UBR1: variants seen among roughly 807,000 people sequenced by gnomAD.
UBR1 encodes E3 ubiquitin-protein ligase UBR1.
In UBR1, 102 loss-of-function variants were observed where a neutral mutation model predicts 242.1. The observed-to-expected ratio is 0.42, with a 90% CI of 0.36 to 0.50. The LOEUF (loss-of-function observed/expected upper bound fraction) is 0.50. Ranked by LOEUF, UBR1 falls within the 20% of genes least tolerant of loss-of-function variation. The pLI, the probability that UBR1 is intolerant of heterozygous loss-of-function variation, is 0.01. For missense variants in UBR1, 1,772 were observed against 2,101.8 expected, an observed-to-expected ratio of 0.84 and a Z score of 3.07; for synonymous variants, 675 against 684.8, an observed-to-expected ratio of 0.99 and a Z score of 0.22.
At chr15:43,062,442 A>C (rs2033700392) in intron 6 of UBR1, among the ~76,000 whole-genome samples, 1 of 152,050 alleles carries the variant, frequency 6.6e-6, no homozygotes, top group Admixed American at 6.6e-5. Context: ...GGATAGAGGG[A>C]GGGGAAAAGG....
chr15:43,008,264 C>T (rs989758996), intron 29 of UBR1, among the ~76,000 whole-genome samples: 2 of 152,388 alleles, frequency 1.3e-5, no homozygotes, highest in African/African-American at 2.4e-5. Context: ...CCCGTGCTCC[C>T]GGGCACAGCT....
Position 43,032,612 on chromosome 15 carries a change from T to C in UBR1, c.2210A>G (p.Asn737Ser), listed in dbSNP as rs1192079463. Residue 737 changes from asparagine (N) to serine (S), a missense_variant, in exon 20 of 47, where the codon AAT (asparagine) becomes AGT (serine). This residue lies in a region of UBR1 where 734 missense variants were observed against 893.3 expected (regional missense o/e 0.82). Transcript: ENST00000290650. ...CTGAAGCATTTCTTCTATTAGTGTA[T>C]TATATTGTTTAATCAAATCCTATAG... Reference protein sequence around the residue: ...TKDQDLIKQYNTLIEEMLQVL... With the variant: ...TKDQDLIKQYSTLIEEMLQVL... 2 of 1,529,104 alleles carry C rather than the reference T, an allele frequency of 1.3e-6. No individual in the cohort carries two copies. The highest frequency in any genetic ancestry group is 1.7e-5 in the Admixed American group (1 of 58,896). The allele number at this position is 1,529,104 out of a possible 1,614,324, so 94.7% of individuals were successfully genotyped here. A position where few individuals can be genotyped will look rare whatever the true frequency, so the allele number is the denominator to read the frequency against.
chr15:42,978,732 CT>C (rs530091685), intron 37 of UBR1, among the ~76,000 whole-genome samples: 3,657 of 134,130 alleles, frequency 0.027, 121 homozygotes, highest in African/African-American at 0.088. Flanking sequence ...CTTTTCTTTT[CT>C]TTTTTTTTTT....
At chr15:43,059,425 A>G (rs758841716) in intron 8 of UBR1, among the ~76,000 whole-genome samples, 3 of 152,172 alleles carry the variant, frequency 2.0e-5, no homozygotes, top group Non-Finnish European at 2.9e-5. Flanking sequence ...TGTGAAAAGA[A>G]TAATATTAAT....
In UBR1 at chr15:43,017,144, C is replaced by G; in HGVS notation, c.2978G>C (p.Cys993Ser). The G allele has an allele frequency of 6.2e-7, 1 of 1,613,710 alleles. No individual in the cohort carries two copies. Among genetic ancestry groups the G allele is most frequent in the African/African-American group, 1.3e-5 (1 of 75,012 alleles). The change falls in exon 28 of 47, where the codon TGT (cysteine) becomes TCT (serine). Residue 993 changes from cysteine to serine, a missense_variant. Transcript: ENST00000290650. ...DTVKRLREKSCLIVATTSGSE... is the reference protein window; with the variant it reads ...DTVKRLREKSSLIVATTSGSE... ...TCCTGATGTGGTTGCTACAATTAAA[C>G]AAGATTTTTCTCTTAATCGCTTCAC...
rs1347344159 is a variant in UBR1, at chr15:43,067,949, A to T, written c.747T>A (p.Leu249=). Residue 249 remains leucine, a synonymous_variant, in exon 6 of 47, where the codon CTT becomes CTA. Coordinates refer to ENST00000290650, the MANE Select transcript of UBR1 (RefSeq NM_174916.3). ...ACTGGGCCTCTGCGAGCTCACAGTC[A>T]AGAGCTCTTTGTAGGCTGTATATGA... ...DHVIYSLQRA[L]DCELAEAQLH... 6.2e-7 allele frequency: 1 copy of T among 1,613,876 alleles called. No homozygotes were observed. Among genetic ancestry groups the T allele is most frequent in the Non-Finnish European group, 8.5e-7 (1 of 1,179,890 alleles).
intron 41 of UBR1, 111 bp from the exon 42 acceptor site, chr15:42,964,154 G>A: frequency 1.3e-6 from 1 of 794,656 alleles, no homozygotes; most frequent in East Asian, 2.9e-5. Context: ...CTTGTAGAGG[G>A]TATATTGCTT....
At chr15:43,103,952 T>G (rs2034267562) in intron 1 of UBR1, among the ~76,000 whole-genome samples, 1 of 152,080 alleles carries the variant, frequency 6.6e-6, no homozygotes, top group Non-Finnish European at 1.5e-5. Flanking sequence ...AGAGGTAGAA[T>G]GATCTGTAGG....
chr15:43,032,698 T>G, intron 19 of UBR1, 67 bp from the exon 20 acceptor site: 1 of 960,334 alleles, frequency 1.0e-6, no homozygotes, highest in Non-Finnish European at 1.6e-6. Context: ...CATGCATTTC[T>G]GGACGAGACT....
chr15:43,027,799 G>T lies in UBR1; in HGVS notation c.2409C>A (p.Val803=). 1 of 1,612,580 alleles carries T rather than the reference G, an allele frequency of 6.2e-7. No individual in the cohort carries two copies. The highest frequency in any genetic ancestry group is 1.1e-5 in the South Asian group (1 of 91,018). ...NENNETGLEN[V]INKVATFKKP... is the part of the protein sequence containing the mutation. ...ACTTAAATGTGGCCACTTTGTTTAT[G>T]ACATTCTCTAAGCCAGTTTCATTAT... The change falls in exon 22 of 47, where the codon GTC becomes GTA. Residue 803 remains valine, a synonymous_variant. Transcript: ENST00000290650.
chr15:42,984,064 T>G (rs1391430730), intron 36 of UBR1, 71 bp from the exon 37 acceptor site: 4 of 1,275,506 alleles, frequency 3.1e-6, no homozygotes, highest in African/African-American at 1.5e-5. Flanking sequence ...CACTTAAGAG[T>G]TGGTAAAAAC....
chr15:42,976,241 G>T (rs1028550835), intron 39 of UBR1, among the ~76,000 whole-genome samples: 4 of 152,158 alleles, frequency 2.6e-5, no homozygotes, highest in Non-Finnish European at 5.9e-5. Flanking sequence ...TGAGGACAAA[G>T]GAGCAGAGAG....
chr15:42,988,519 G>A, intron 35 of UBR1: 2 of 375,700 alleles, frequency 5.3e-6, no homozygotes, highest in South Asian at 5.0e-5. Context: ...CTGCTCTCAA[G>A]TTATCCTCCC....
chr15:43,021,479 T>G, intron 26 of UBR1, 104 bp from the exon 27 acceptor site: 2 of 956,576 alleles, frequency 2.1e-6, no homozygotes, highest in Non-Finnish European at 3.4e-6. Flanking sequence ...AGTCCACTAA[T>G]GCTCAATTCC....
intron 33 of UBR1, among the ~76,000 whole-genome samples, chr15:42,993,731 AG>A (rs199586703): frequency 0.015 from 2,317 of 152,040 alleles, 34 homozygotes; most frequent in Non-Finnish European, 0.025. Context: ...CCAACTACTC[AG>A]GAGGCTGAGG....
chr15:42,979,208 T>C (rs1321126525), intron 37 of UBR1, among the ~76,000 whole-genome samples: 3 of 151,438 alleles, frequency 2.0e-5, no homozygotes, highest in Non-Finnish European at 4.4e-5. Flanking sequence ...TTTCTTTTTT[T>C]CTTTTTTTTT....
At chr15:43,006,940 T>A (rs2032840356) in intron 30 of UBR1, 139 bp downstream of exon 30, 1 of 808,184 alleles carries the variant, frequency 1.2e-6, no homozygotes, top group Admixed American at 2.6e-5. Context: ...ATTCCTGGAT[T>A]ATTATTACTT....
chr15:43,009,482 A>G (rs2141291284), intron 29 of UBR1, among the ~76,000 whole-genome samples: 1 of 152,338 alleles, frequency 6.6e-6, no homozygotes, highest in Non-Finnish European at 1.5e-5. Flanking sequence ...CCAGGCTGGT[A>G]GTGTCAGTCA....
intron 3 of UBR1, among the ~76,000 whole-genome samples, chr15:43,076,737 T>A (rs1478830151): frequency 1.4e-5 from 2 of 138,956 alleles, no homozygotes; most frequent in African/African-American, 5.5e-5. Context: ...GTGAGGAGCG[T>A]CTCCGCCTGG....
Sources: gnomAD v4.1 joint callset for allele counts (sites outside exome capture counted in the v4.1 genomes callset) on GRCh38, gnomAD v4.1.1 for gene constraint, gnomAD v4.1.1 regional missense constraint, MANE v1.5 for transcripts, NCBI Gene and HGNC (gene_info 2026-07-23, HGNC 2026-07-21) for gene names.